SYNE2: variants seen among roughly 807,000 people sequenced by gnomAD.
The protein encoded by SYNE2 is spectrin repeat containing nuclear envelope protein 2.
SYNE2 carries 431 observed loss-of-function variants against 856.3 expected under a neutral mutation model. The ratio of observed to expected loss-of-function variants is 0.50; its 90% CI spans 0.47 to 0.55. SYNE2 has a LOEUF of 0.55. Among genes scored for constraint, SYNE2 ranks in the 20% least tolerant of loss-of-function variants. The pLI is 0.00. For missense variants in SYNE2, 8,129 were observed against 8,023.2 expected (o/e 1.01, Z -0.50); for synonymous variants, 2,923 against 2,872.3 (o/e 1.02, Z -0.56).
intron 1 of SYNE2, among the ~76,000 whole-genome samples, chr14:63,772,903 G>A (rs532601270): frequency 2.2e-4 from 33 of 151,072 alleles, no homozygotes; most frequent in African/African-American, 7.5e-4. Context: ...TCAGCCTCCC[G>A]AGTAGCTTGG....
At chr14:64,182,001 G>A (rs937199560) in intron 96 of SYNE2, among the ~76,000 whole-genome samples, 2 of 152,108 alleles carry the variant, frequency 1.3e-5, no homozygotes, top group African/African-American at 4.8e-5. Context: ...CAAGTTTGTT[G>A]TATTTTCTTC....
chr14:64,170,008 AG>A (rs1353732854), intron 93 of SYNE2, among the ~76,000 whole-genome samples: 2 of 152,228 alleles, frequency 1.3e-5, no homozygotes, highest in Non-Finnish European at 2.9e-5. Flanking sequence ...GCAAAATACC[AG>A]GTTACGTGCA....
chr14:63,847,728 G>A (rs1255534593), intron 1 of SYNE2, among the ~76,000 whole-genome samples: 1 of 151,328 alleles, frequency 6.6e-6, no homozygotes, highest in African/African-American at 2.4e-5. Context: ...TGGGATTACA[G>A]GTGTGGGCCA....
intron 1 of SYNE2, among the ~76,000 whole-genome samples, chr14:63,879,320 A>G (rs1374316765): frequency 6.6e-6 from 1 of 152,214 alleles, no homozygotes; most frequent in Non-Finnish European, 1.5e-5. Flanking sequence ...TGACCCTCTG[A>G]AAATTAACCT....
intron 65 of SYNE2, among the ~76,000 whole-genome samples, chr14:64,110,588 A>AAC (rs2097797632): frequency 2.3e-4 from 17 of 75,390 alleles, no homozygotes; most frequent in East Asian, 6.0e-4. Flanking sequence ...TACTTTTTAC[A>AAC]CCCCCCCCCC....
At chr14:63,884,405 A>G (rs1054075272) in intron 1 of SYNE2, among the ~76,000 whole-genome samples, 14 of 152,148 alleles carry the variant, frequency 9.2e-5, no homozygotes, top group African/African-American at 3.4e-4. Flanking sequence ...TCTGCTTGGT[A>G]CCTACTTTGC....
chr14:63,962,630 C>T (rs181605116), intron 9 of SYNE2, among the ~76,000 whole-genome samples: 2 of 152,192 alleles, frequency 1.3e-5, no homozygotes, highest in Admixed American at 1.3e-4. Context: ...TTTTCTCTGC[C>T]TCACAGGCTT....
chr14:63,822,986 C>A (rs1268711276), intron 1 of SYNE2, among the ~76,000 whole-genome samples: 3 of 151,430 alleles, frequency 2.0e-5, no homozygotes, highest in Non-Finnish European at 4.4e-5. Flanking sequence ...CACCTGTAGT[C>A]CCAGCTACTT....
At chr14:64,098,215 C>T (rs2097693204) in intron 62 of SYNE2, 69 bp downstream of exon 62, 5 of 1,530,448 alleles carry the variant, frequency 3.3e-6, no homozygotes, top group Non-Finnish European at 4.5e-6. Context: ...TGTTTTCCAC[C>T]TGAACGACCT....
chr14:64,076,324 C>T (rs1375311136), intron 54 of SYNE2, among the ~76,000 whole-genome samples: 1 of 152,124 alleles, frequency 6.6e-6, no homozygotes, highest in East Asian at 1.9e-4. Context: ...TGTCAAAATG[C>T]TTATTCTTCT....
intron 34 of SYNE2, among the ~76,000 whole-genome samples, chr14:64,018,432 C>T (rs192118964): frequency 3.3e-5 from 5 of 152,228 alleles, no homozygotes; most frequent in Admixed American, 2.0e-4. Flanking sequence ...TTAGTAGAGA[C>T]GGGGTTTCAC....
At chr14:63,803,409 C>G (rs1176032630) in intron 1 of SYNE2, among the ~76,000 whole-genome samples, 1 of 152,190 alleles carries the variant, frequency 6.6e-6, no homozygotes, top group Non-Finnish European at 1.5e-5. Flanking sequence ...AGCCCTGCCC[C>G]GCAGAAAGGC....
At chr14:63,887,084 C>T (rs1386677402) in intron 1 of SYNE2, among the ~76,000 whole-genome samples, 3 of 152,056 alleles carry the variant, frequency 2.0e-5, no homozygotes, top group Non-Finnish European at 2.9e-5. Flanking sequence ...AGATCAAGAC[C>T]GTCCTGGTCA....
chr14:63,812,390 A>T (rs867463569), intron 1 of SYNE2, among the ~76,000 whole-genome samples: 44 of 152,058 alleles, frequency 2.9e-4, no homozygotes, highest in Non-Finnish European at 5.6e-4. Context: ...AATCACTGTT[A>T]TTCTGTTCTT....
intron 113 of SYNE2, among the ~76,000 whole-genome samples, chr14:64,224,230 C>T (rs2098707887): frequency 6.7e-6 from 1 of 148,326 alleles, no homozygotes; most frequent in East Asian, 1.9e-4. Context: ...TGGTGCATGC[C>T]TATAGTTCCA....
At chr14:63,972,822 A>G (rs912049050) in intron 11 of SYNE2, among the ~76,000 whole-genome samples, 10 of 152,224 alleles carry the variant, frequency 6.6e-5, no homozygotes, top group African/African-American at 2.2e-4. Flanking sequence ...TTGGTTGTGC[A>G]AAGAATAATA....
intron 99 of SYNE2, among the ~76,000 whole-genome samples, chr14:64,198,890 C>G (rs1360673347): frequency 3.3e-5 from 5 of 152,178 alleles, no homozygotes; most frequent in Admixed American, 3.3e-4. Context: ...TTTACTCCTT[C>G]AACAGCTATT....
intron 1 of SYNE2, among the ~76,000 whole-genome samples, chr14:63,887,660 T>C (rs1303869795): frequency 1.3e-5 from 2 of 152,188 alleles, no homozygotes; most frequent in African/African-American, 4.8e-5. Context: ...AACTGGTTTT[T>C]TTTCCCCCCC....
At chr14:63,867,273 T>G (rs1483361530) in intron 1 of SYNE2, among the ~76,000 whole-genome samples, 1 of 152,050 alleles carries the variant, frequency 6.6e-6, no homozygotes, top group Non-Finnish European at 1.5e-5. Context: ...ACAGCACATT[T>G]ATATGAGCAT....
Sources: allele counts gnomAD v4.1 joint callset (sites outside exome capture counted in the v4.1 genomes callset), GRCh38; gene constraint gnomAD v4.1.1; transcripts MANE v1.5; gene names NCBI Gene and HGNC (gene_info 2026-07-23, HGNC 2026-07-21).